The following IL27RA variants were observed in gnomAD, a reference collection of about 807,000 sequenced individuals.
IL27RA encodes the protein interleukin-27 receptor subunit alpha.
A neutral mutation model predicts 80.8 loss-of-function variants in IL27RA; 61 were observed. That is an observed-to-expected ratio of 0.76 (90% confidence interval 0.61 to 0.93). The LOEUF (loss-of-function observed/expected upper bound fraction) is 0.93, where lower values mean the gene tolerates loss of function less well. Ranked by LOEUF, IL27RA falls within the 40% of genes least tolerant of loss-of-function variation. The pLI, the probability that IL27RA is intolerant of heterozygous loss-of-function variation, is 0.00. For synonymous variants in IL27RA, 316 were observed against 332.5 expected, an observed-to-expected ratio of 0.95 and a Z score of 0.54; for missense variants, 735 against 808.1, an observed-to-expected ratio of 0.91 and a Z score of 1.10.
chr19:14,045,725 C>G (rs1057326068), intron 6 of IL27RA, among the ~76,000 whole-genome samples: 9 of 151,876 alleles, frequency 5.9e-5, no homozygotes, highest in African/African-American at 2.2e-4. Flanking sequence ...CCCCCACTCC[C>G]TTTTAAATTT....
intron 10 of IL27RA, among the ~76,000 whole-genome samples, chr19:14,050,527 AAAAG>A (rs201151469): frequency 1.2e-4 from 18 of 151,592 alleles, no homozygotes; most frequent in Admixed American, 5.9e-4. Context: ...AAAAAAAAAA[AAAAG>A]AGAATCAAAC....
At chr19:14,038,754 C>T (rs1468406639) in intron 2 of IL27RA, among the ~76,000 whole-genome samples, 1 of 151,600 alleles carries the variant, frequency 6.6e-6, no homozygotes. Context: ...AGTGGTGGCG[C>T]ATGCCTGTAA....
At chr19:14,050,163 T>C (rs1216291648) in intron 10 of IL27RA, among the ~76,000 whole-genome samples, 1 of 151,276 alleles carries the variant, frequency 6.6e-6, no homozygotes, top group Non-Finnish European at 1.5e-5. Flanking sequence ...ACAAACTAAA[T>C]AATATCTAAG....
At chr19:14,048,457 G>A (rs1452285736) in intron 8 of IL27RA, among the ~76,000 whole-genome samples, 1 of 152,140 alleles carries the variant, frequency 6.6e-6, no homozygotes, top group Non-Finnish European at 1.5e-5. Context: ...TTAGGGGAGA[G>A]AGTGCAGCAC....
intron 10 of IL27RA, among the ~76,000 whole-genome samples, chr19:14,049,734 A>G (rs1245406013): frequency 1.3e-5 from 2 of 151,826 alleles, no homozygotes; most frequent in African/African-American, 4.8e-5. Flanking sequence ...GGCGCATGCC[A>G]CCATGCCCGG....
At chr19:14,040,772 T>C (rs950972467) in intron 4 of IL27RA, among the ~76,000 whole-genome samples, 9 of 150,620 alleles carry the variant, frequency 6.0e-5, no homozygotes, top group African/African-American at 2.0e-4. Context: ...TGCAGTGAGC[T>C]GAGATCGTGC....
chr19:14,047,632 CAG>C (rs1032299383), intron 8 of IL27RA, among the ~76,000 whole-genome samples: 9 of 147,226 alleles, frequency 6.1e-5, no homozygotes, highest in East Asian at 4.0e-4. Flanking sequence ...GATGGGATGA[CAG>C]GGGTGAGCCA....
intron 2 of IL27RA, among the ~76,000 whole-genome samples, chr19:14,038,567 TA>T (rs34678070): frequency 0.39 from 39,140 of 100,956 alleles, 7,482 homozygotes; most frequent in African/African-American, 0.6. Flanking sequence ...GTCGTGTCTC[TA>T]AAAAAAAAAA....
chr19:14,047,824 T>A (rs1460648286), intron 8 of IL27RA, among the ~76,000 whole-genome samples: 1 of 150,866 alleles, frequency 6.6e-6, no homozygotes, highest in African/African-American at 2.4e-5. Flanking sequence ...CGGCTAATTT[T>A]TTTTTTTTTT....
chr19:14,032,838 AAAAG>A (rs1975842362), intron 2 of IL27RA, among the ~76,000 whole-genome samples: 3 of 149,254 alleles, frequency 2.0e-5, no homozygotes, highest in Non-Finnish European at 4.5e-5. Context: ...AAAAGAAAAG[AAAAG>A]AAAGTCCCAG....
At chr19:14,049,554 G>A (rs1041984469) in intron 10 of IL27RA, among the ~76,000 whole-genome samples, 1 of 151,910 alleles carries the variant, frequency 6.6e-6, no homozygotes, top group Non-Finnish European at 1.5e-5. Flanking sequence ...AAAGATAAAA[G>A]GATGTTAAAA....
At chr19:14,034,658 T>TAA (rs75758451) in intron 2 of IL27RA, among the ~76,000 whole-genome samples, 1 of 119,346 alleles carries the variant, frequency 8.4e-6, no homozygotes, top group Non-Finnish European at 1.9e-5. Context: ...AGACTCTGTC[T>TAA]AAAAAAAAAA....
chr19:14,044,194 C>G (rs1976030893), intron 6 of IL27RA, among the ~76,000 whole-genome samples: 1 of 152,004 alleles, frequency 6.6e-6, no homozygotes, highest in African/African-American at 2.4e-5. Context: ...AACACGATGA[C>G]AGGTGTGGTT....
chr19:14,051,604 C>G lies in IL27RA; in HGVS notation c.1529-3C>G. On this transcript the variant is annotated splice_polypyrimidine_tract_variant and splice_region_variant and intron_variant, in intron 11 of 13. Coordinates refer to ENST00000263379, the MANE Select transcript of IL27RA (RefSeq NM_004843.4). ...AAGAATGATCTCTTCCCTACCCTAC[C>G]AGATAACACCCTGAGGTGGAAAGTT... The G allele has an allele frequency of 6.4e-7, 1 of 1,560,820 alleles. No individual in the cohort carries two copies. Among genetic ancestry groups the G allele is most frequent in the Non-Finnish European group, 8.8e-7 (1 of 1,141,656 alleles).
chr19:14,036,587 C>A (rs1264496533), intron 2 of IL27RA, among the ~76,000 whole-genome samples: 1 of 150,944 alleles, frequency 6.6e-6, no homozygotes, highest in Admixed American at 6.6e-5. Context: ...CTCCCCGGTC[C>A]AAGCGATTCT....
rs1976194407 is a variant in IL27RA at position 14,052,586 on chromosome 19, C to T, written c.*296C>T. ...CGCTGTAACAGAACTGAATTTGGAC[C>T]CCAGCACAGTGGCTCACGCCTGTAA... On this transcript the variant is annotated 3_prime_UTR_variant, in exon 14 of 14. Coordinates refer to ENST00000263379, the MANE Select transcript of IL27RA (RefSeq NM_004843.4). The T allele has an allele frequency of 3.1e-6, 1 of 322,500 alleles. No homozygotes were observed. The highest frequency in any genetic ancestry group is 5.6e-6 in the Non-Finnish European group (1 of 177,204). 20.0% of individuals were successfully genotyped at this position (322,500 alleles called of 1,614,324 possible). A position where few individuals can be genotyped will look rare whatever the true frequency, so the allele number is the denominator to read the frequency against.
In IL27RA at chr19:14,039,763, C is replaced by T. The variant is rs181859110; in HGVS notation, c.387C>T (p.Asn129=). ...TTTCCCCTTCCCCAGTGAAGCCAAACGCCCCCCGGCTGGGCCCTGACGTGG... is the reference window on the plus strand; with the variant it reads ...TTTCCCCTTCCCCAGTGAAGCCAAATGCCCCCCGGCTGGGCCCTGACGTGG... ...FVNLETQMKP[N]APRLGPDVDF... is the part of the protein sequence containing the mutation. The change falls in exon 4 of 14, where the codon AAC becomes AAT. Residue 129 remains asparagine, a synonymous_variant. Transcript: ENST00000263379. 115 of 1,613,528 alleles carry T rather than the reference C, an allele frequency of 7.1e-5. No individual in the cohort carries two copies. The East Asian group carries it at 2.0e-3, about 28-fold the overall frequency.
intron 10 of IL27RA, among the ~76,000 whole-genome samples, chr19:14,049,557 T>C (rs1976127513): frequency 6.6e-6 from 1 of 152,078 alleles, no homozygotes; most frequent in African/African-American, 2.4e-5. Context: ...GATAAAAGGA[T>C]GTTAAAATTC....
chr19:14,050,020 C>G (rs992142276), intron 10 of IL27RA, among the ~76,000 whole-genome samples: 3 of 151,740 alleles, frequency 2.0e-5, no homozygotes, highest in African/African-American at 7.2e-5. Flanking sequence ...GAAACCTCAT[C>G]TCTACTAAAA....
Sources: allele counts gnomAD v4.1 joint callset (sites outside exome capture counted in the v4.1 genomes callset), GRCh38; gene constraint gnomAD v4.1.1; transcripts MANE v1.5; gene names NCBI Gene and HGNC (gene_info 2026-07-23, HGNC 2026-07-21).